Variants in C3orf22 observed in about 807,000 individuals in gnomAD.
The protein encoded by C3orf22 is uncharacterized protein C3orf22.
C3orf22 carries 7 observed loss-of-function variants against 10.8 expected under a neutral mutation model. The observed-to-expected ratio is 0.65, with a 90% CI of 0.37 to 1.22. The LOEUF is 1.22. Ranked by LOEUF, C3orf22 falls within the 50% of genes most tolerant of loss-of-function variation. C3orf22 has a pLI of 0.02. For missense variants in C3orf22, 173 were observed against 177.0 expected, an observed-to-expected ratio of 0.98 and a Z score of 0.13; for synonymous variants, 79 against 78.9, an observed-to-expected ratio of 1.00 and a Z score of 0.00.
At chr3:126,529,403 A>G in intron 4 of C3orf22, 1 of 1,288,818 alleles carries the variant, frequency 7.8e-7, no homozygotes, top group Non-Finnish European at 1.0e-6. Context: ...GACAGGTGTC[A>G]GGACAAGGGG....
downstream of C3orf22, among the ~76,000 whole-genome samples, chr3:126,547,952 G>T (rs536253952): frequency 6.6e-6 from 1 of 152,352 alleles, no homozygotes; most frequent in African/African-American, 2.4e-5. Context: ...ATCATCACAT[G>T]ACTCTTAGCA....
intron 4 of C3orf22, among the ~76,000 whole-genome samples, chr3:126,533,336 CACTAT>C (rs1299620914): frequency 6.6e-6 from 1 of 152,172 alleles, no homozygotes; most frequent in Non-Finnish European, 1.5e-5. Flanking sequence ...TCCAGTCTTT[CACTAT>C]TAAGTTATCT....
At chr3:126,536,806 C>A (rs548593926) in intron 4 of C3orf22, among the ~76,000 whole-genome samples, 1 of 151,782 alleles carries the variant, frequency 6.6e-6, no homozygotes, top group Non-Finnish European at 1.5e-5. Context: ...AGGGACCACA[C>A]ACAACCCCAA....
At chr3:126,557,330 C>T (rs886956693) in intron 1 of C3orf22, among the ~76,000 whole-genome samples, 2 of 152,206 alleles carry the variant, frequency 1.3e-5, no homozygotes, top group Admixed American at 6.5e-5. Flanking sequence ...GCTGGCGTGA[C>T]CTACTACCAC....
At chr3:126,533,768 G>T (rs1576750176) in intron 4 of C3orf22, among the ~76,000 whole-genome samples, 1 of 152,028 alleles carries the variant, frequency 6.6e-6, no homozygotes, top group Non-Finnish European at 1.5e-5. Context: ...CTCCTCTTCT[G>T]TTTTTTGAAA....
chr3:126,531,017 G>T (rs562023699), intron 4 of C3orf22, among the ~76,000 whole-genome samples: 1 of 152,394 alleles, frequency 6.6e-6, no homozygotes, highest in East Asian at 1.9e-4. Context: ...GGGCTTTAGG[G>T]TTCTGGAGGC....
chr3:126,555,672 G>A (rs964334645), intron 1 of C3orf22, among the ~76,000 whole-genome samples: 1 of 152,128 alleles, frequency 6.6e-6, no homozygotes, highest in Non-Finnish European at 1.5e-5. Flanking sequence ...CCCTGCCACA[G>A]TGTCCATGGA....
At chr3:126,550,430 G>A (rs183329840) in intron 3 of C3orf22, among the ~76,000 whole-genome samples, 11 of 152,236 alleles carry the variant, frequency 7.2e-5, no homozygotes, top group African/African-American at 2.2e-4. Flanking sequence ...AGCACCTGCC[G>A]GAGGCATACT....
In C3orf22 at chr3:126,552,642, C is replaced by T. The variant is rs114337432; in HGVS notation, c.90-520G>A. On this transcript the variant is annotated intron_variant, in intron 2 of 3. Coordinates refer to ENST00000318225, the MANE Select transcript of C3orf22 (RefSeq NM_152533.3). ...GAGCGTGGCTGCCCTGGTGGTCCCC[C>T]GTGGTCCCTGTGGGTAGCCCTGCCA... Among the ~76,000 whole-genome samples, 1,501 of 152,300 alleles carry T rather than the reference C, an allele frequency of 9.9e-3. 25 individuals are homozygous for T. The highest frequency in any genetic ancestry group is 0.034 in the African/African-American group (1,406 of 41,558).
chr3:126,539,841 C>G (rs1160972060), intron 4 of C3orf22, among the ~76,000 whole-genome samples: 1 of 83,700 alleles, frequency 1.2e-5, no homozygotes, highest in Non-Finnish European at 2.3e-5. Flanking sequence ...ACACACACCA[C>G]ACACATCACA....
downstream of C3orf22, among the ~76,000 whole-genome samples, chr3:126,548,238 A>C (rs1279020793): frequency 6.6e-6 from 1 of 152,126 alleles, no homozygotes; most frequent in Admixed American, 6.5e-5. Flanking sequence ...CAAGTGATCC[A>C]CCTGCCTTCA....
exon 6 of C3orf22, chr3:126,527,058 G>A (rs1936550260): frequency 6.6e-6 from 1 of 152,278 alleles, no homozygotes; most frequent in Admixed American, 6.5e-5. Flanking sequence ...TTCTGCCTCT[G>A]AGACACCGGC....
chr3:126,529,864 G>T (rs992834982), intron 4 of C3orf22, among the ~76,000 whole-genome samples: 42 of 152,218 alleles, frequency 2.8e-4, no homozygotes, highest in African/African-American at 9.6e-4. Flanking sequence ...GTGCTGCTCT[G>T]GGATGGGCCC....
chr3:126,538,007 C>T (rs1246564923), intron 4 of C3orf22, among the ~76,000 whole-genome samples: 4 of 152,208 alleles, frequency 2.6e-5, no homozygotes, highest in Admixed American at 2.6e-4. Context: ...GACATAGGTC[C>T]AGCTTTAGAG....
At chr3:126,550,966 G>C (rs1196786315) in intron 3 of C3orf22, among the ~76,000 whole-genome samples, 1 of 152,254 alleles carries the variant, frequency 6.6e-6, no homozygotes, top group Non-Finnish European at 1.5e-5. Context: ...TCAGAGCCCA[G>C]CCCTGGCCGC....
In C3orf22 at chr3:126,538,592, G is replaced by A. The variant is rs182945901; in HGVS notation, c.287-9220C>T. Among the ~76,000 whole-genome samples the A allele has an allele frequency of 1.1e-3, 172 of 152,360 alleles. No individual in the cohort carries two copies. The Middle Eastern group carries it at 0.041, about 36-fold the overall frequency. On this transcript the variant is annotated intron_variant and NMD_transcript_variant, in intron 4 of 5. Coordinates refer to the C3orf22 transcript ENST00000505070. Reference sequence around the variant, plus strand: ...GAAGGAGGAAGACTGACAGGTGGCCGGATGGCCAACATTCCCTGCCACAAG... The same window carrying A: ...GAAGGAGGAAGACTGACAGGTGGCCAGATGGCCAACATTCCCTGCCACAAG...
chr3:126,534,553 C>A (rs1416485969), intron 4 of C3orf22, among the ~76,000 whole-genome samples: 1 of 150,226 alleles, frequency 6.7e-6, no homozygotes, highest in Admixed American at 6.6e-5. Flanking sequence ...AGACAGCATC[C>A]CTGTCCTCAG....
chr3:126,551,232 A>G (rs1055853765), intron 3 of C3orf22, among the ~76,000 whole-genome samples: 2 of 149,558 alleles, frequency 1.3e-5, no homozygotes, highest in African/African-American at 5.0e-5. Context: ...ATGGGCATGG[A>G]AAAGTCAACA....
At chr3:126,551,701 T>C (rs1937190530) in intron 3 of C3orf22, among the ~76,000 whole-genome samples, 1 of 152,198 alleles carries the variant, frequency 6.6e-6, no homozygotes, top group Non-Finnish European at 1.5e-5. Context: ...GTGGAGGACT[T>C]GGCTAAACTC....
Sources: gnomAD v4.1 joint callset for allele counts (sites outside exome capture counted in the v4.1 genomes callset) on GRCh38, gnomAD v4.1.1 for gene constraint, MANE v1.5 for transcripts, NCBI Gene and HGNC (gene_info 2026-07-23, HGNC 2026-07-21) for gene names.